The following YWHAE variants were observed in gnomAD, a reference collection of about 807,000 sequenced individuals.
The protein encoded by YWHAE is 14-3-3 protein epsilon.
A neutral mutation model predicts 30.1 loss-of-function variants in YWHAE; 4 were observed. The observed-to-expected ratio is 0.13, with a 90% CI of 0.07 to 0.30. The LOEUF (loss-of-function observed/expected upper bound fraction) is 0.30. Ranked by LOEUF, YWHAE falls within the 10% of genes least tolerant of loss-of-function variation. The pLI is 1.00. For synonymous variants in YWHAE, 118 were observed against 111.8 expected (o/e 1.06, Z -0.35); for missense variants, 121 against 315.9 (o/e 0.38, Z 4.68).
chr17:1,388,019 G>T (rs1397703821), intron 1 of YWHAE, among the ~76,000 whole-genome samples: 1 of 142,226 alleles, frequency 7.0e-6, no homozygotes, highest in African/African-American at 2.7e-5. Context: ...TTTGCCTCCC[G>T]GGTTCAAGTG....
chr17:1,376,947 G>A (rs1424759148), intron 1 of YWHAE, among the ~76,000 whole-genome samples: 2 of 141,968 alleles, frequency 1.4e-5, no homozygotes, highest in Non-Finnish European at 1.5e-5. Flanking sequence ...TTTTTTTTGA[G>A]ACAGAGTCTA....
chr17:1,398,341 C>CCCG (rs57778701), intron 1 of YWHAE, among the ~76,000 whole-genome samples: 7 of 148,500 alleles, frequency 4.7e-5, no homozygotes, highest in Non-Finnish European at 7.4e-5. Context: ...TTATCCCCCC[C>CCCG]CCCAACAGGA....
chr17:1,365,195 A>G lies in YWHAE; in HGVS notation c.65-137T>C, dbSNP rs138019399. The G allele has an allele frequency of 1.9e-4, 196 of 1,032,882 alleles. 1 individual carries two copies. Among genetic ancestry groups the G allele is most frequent in the Admixed American group, 4.6e-4 (16 of 34,478 alleles). 64.0% of individuals were successfully genotyped at this position (1,032,882 alleles called of 1,614,324 possible). A position where few individuals can be genotyped will look rare whatever the true frequency, so the allele number is the denominator to read the frequency against. ...AATAATTTCATAATCATCAAAACTAATATGAGTAAAAAGCCAAAAACATGT... is the reference window on the plus strand; with the variant it reads ...AATAATTTCATAATCATCAAAACTAGTATGAGTAAAAAGCCAAAAACATGT... On this transcript the variant is annotated intron_variant, in intron 1 of 5. Coordinates refer to ENST00000264335, the MANE Select transcript of YWHAE (RefSeq NM_006761.5).
chr17:1,388,502 C>A (rs1237171825), intron 1 of YWHAE, among the ~76,000 whole-genome samples: 9 of 147,844 alleles, frequency 6.1e-5, no homozygotes, highest in African/African-American at 2.0e-4. Context: ...CCAGCCTGGG[C>A]AACAGAGCAA....
At chr17:1,357,718 G>T (rs1423599103) in intron 4 of YWHAE, among the ~76,000 whole-genome samples, 1 of 152,022 alleles carries the variant, frequency 6.6e-6, no homozygotes, top group Non-Finnish European at 1.5e-5. Context: ...TTAAGGTGAG[G>T]TGTCCAAGAC....
At chr17:1,348,573 G>A (rs942281934) in intron 5 of YWHAE, among the ~76,000 whole-genome samples, 10 of 152,130 alleles carry the variant, frequency 6.6e-5, no homozygotes, top group African/African-American at 2.4e-4. Flanking sequence ...ATTCACCACG[G>A]AACCCAAGTC....
intron 1 of YWHAE, among the ~76,000 whole-genome samples, chr17:1,378,097 C>T (rs2073151384): frequency 6.6e-6 from 1 of 152,162 alleles, no homozygotes; most frequent in African/African-American, 2.4e-5. Flanking sequence ...GGATAGTATG[C>T]AAGTTTGTTG....
intron 3 of YWHAE, 88 bp downstream of exon 3, chr17:1,361,813 TA>T: frequency 1.3e-6 from 1 of 757,024 alleles, no homozygotes; most frequent in Non-Finnish European, 2.0e-6. Flanking sequence ...TATTCTTAAA[TA>T]AAAGTTGAAA....
chr17:1,358,127 GC>G (rs936551507), intron 4 of YWHAE, among the ~76,000 whole-genome samples: 1 of 152,056 alleles, frequency 6.6e-6, no homozygotes, highest in African/African-American at 2.4e-5. Context: ...AGTGGCTCAG[GC>G]CTGTATTCTC....
chr17:1,356,804 C>CAAA (rs11436001), intron 4 of YWHAE, among the ~76,000 whole-genome samples: 3 of 130,626 alleles, frequency 2.3e-5, no homozygotes, highest in African/African-American at 5.4e-5. Flanking sequence ...ACTAAAAATG[C>CAAA]AAAAAAAAAA....
At chr17:1,385,345 CCT>C (rs2073284439) in intron 1 of YWHAE, among the ~76,000 whole-genome samples, 1 of 152,032 alleles carries the variant, frequency 6.6e-6, no homozygotes. Flanking sequence ...ACCAAGGTCC[CCT>C]GTGATCAGTC....
intron 5 of YWHAE, among the ~76,000 whole-genome samples, chr17:1,347,477 C>T (rs2072545819): frequency 6.6e-6 from 1 of 151,854 alleles, no homozygotes; most frequent in Non-Finnish European, 1.5e-5. Context: ...AGCAAAACTC[C>T]GTCTCAAAAA....
At chr17:1,356,963 A>C (rs1303494921) in intron 4 of YWHAE, among the ~76,000 whole-genome samples, 2 of 150,272 alleles carry the variant, frequency 1.3e-5, no homozygotes, top group East Asian at 2.0e-4. Context: ...CAAACCAAAA[A>C]AAAACACATA....
chr17:1,361,728 A>G, intron 3 of YWHAE, 174 bp downstream of exon 3: 3 of 528,578 alleles, frequency 5.7e-6, no homozygotes, highest in Non-Finnish European at 1.0e-5. Flanking sequence ...TAAATAAGCA[A>G]AAGCTAATAC....
At chr17:1,376,337 AAGAC>A (rs746057683) in intron 1 of YWHAE, among the ~76,000 whole-genome samples, 97 of 152,138 alleles carry the variant, frequency 6.4e-4, no homozygotes, top group Non-Finnish European at 1.1e-3. Context: ...CGAAGACAGA[AAGAC>A]AGACAGAAAG....
chr17:1,354,819 C>T (rs2072701014), intron 4 of YWHAE, among the ~76,000 whole-genome samples: 2 of 151,888 alleles, frequency 1.3e-5, no homozygotes, highest in African/African-American at 4.8e-5. Context: ...CCCGCCACCA[C>T]ACCCGGCTAA....
chr17:1,390,810 C>G (rs1184920049), intron 1 of YWHAE, among the ~76,000 whole-genome samples: 1 of 152,184 alleles, frequency 6.6e-6, no homozygotes, highest in Non-Finnish European at 1.5e-5. Flanking sequence ...CCACCAACAA[C>G]AGATCCGTCC....
At chr17:1,396,251 C>G in intron 1 of YWHAE, among the ~76,000 whole-genome samples, 1 of 151,946 alleles carries the variant, frequency 6.6e-6, no homozygotes, top group East Asian at 1.9e-4. Flanking sequence ...GAAACCGTGT[C>G]TCTACTAAAA....
In YWHAE at chr17:1,377,877, C is replaced by T. The variant is rs553187914; in HGVS notation, c.65-12819G>A. On this transcript the variant is annotated intron_variant, in intron 1 of 5. Coordinates refer to ENST00000264335, the MANE Select transcript of YWHAE (RefSeq NM_006761.5). ...CAGCCTGGCCAACATGGTGAAACCC[C>T]GTCTCTACTAAAAATACAAAAATTA... Among the ~76,000 whole-genome samples the T allele has an allele frequency of 9.6e-4, 146 of 152,076 alleles. 2 individuals are homozygous for T. Among genetic ancestry groups the T allele is most frequent in the South Asian group, 2.1e-3 (10 of 4,820 alleles).
Sources: gnomAD v4.1 joint callset for allele counts (sites outside exome capture counted in the v4.1 genomes callset) on GRCh38, gnomAD v4.1.1 for gene constraint, MANE v1.5 for transcripts, NCBI Gene and HGNC (gene_info 2026-07-23, HGNC 2026-07-21) for gene names.